The following RAB1A variants were observed in gnomAD, a reference collection of about 807,000 sequenced individuals.
RAB1A encodes the protein RAB1A, member RAS oncogene family, also known as ras-related protein Rab-1A.
Under a neutral mutation model 26.0 loss-of-function variants are expected in RAB1A, and 2 were observed. That is an observed-to-expected ratio of 0.08 (90% CI 0.03 to 0.24). The LOEUF is 0.24. Ranked by LOEUF, RAB1A falls within the 10% of genes least tolerant of loss-of-function variation. The probability of loss-of-function intolerance (pLI) is 1.00; values close to 1 mark genes in which losing one functional copy is unlikely to be tolerated. For synonymous variants in RAB1A, 84 were observed against 84.9 expected (o/e 0.99, Z 0.06); for missense variants, 100 against 247.0 (o/e 0.40, Z 3.99).
chr2:65,100,652 C>G (rs1573071030), intron 2 of RAB1A, among the ~76,000 whole-genome samples: 1 of 149,368 alleles, frequency 6.7e-6, no homozygotes, highest in Non-Finnish European at 1.5e-5. Context: ...CCTAGCTAGT[C>G]AGGAGACCAA....
intron 3 of RAB1A, among the ~76,000 whole-genome samples, chr2:65,093,798 T>A (rs1669224208): frequency 6.6e-6 from 1 of 152,010 alleles, no homozygotes; most frequent in Admixed American, 6.6e-5. Context: ...AATTTTTTTG[T>A]ATTTTTAGTA....
intron 1 of RAB1A, among the ~76,000 whole-genome samples, chr2:65,121,121 T>C (rs1025751911): frequency 1.3e-5 from 2 of 151,284 alleles, no homozygotes; most frequent in African/African-American, 2.4e-5. Context: ...ATGGTGCCAG[T>C]TACTCAGGAG....
intron 1 of RAB1A, among the ~76,000 whole-genome samples, chr2:65,118,394 A>G (rs922192906): frequency 2.6e-5 from 4 of 152,166 alleles, no homozygotes; most frequent in African/African-American, 9.7e-5. Flanking sequence ...TTTAAAATAA[A>G]CAACAAAAAT....
At position 65,130,049 on chromosome 2, in the gene RAB1A, C is replaced by A. The variant is rs906865212; in HGVS notation, c.-134G>T. ...GGAGAGCAAACGTCTTCCCCTACTC[C>A]GTCCCCTAGAACACAATCAGCAGCC... On this transcript the variant is annotated 5_prime_UTR_variant, in exon 1 of 6. Coordinates refer to ENST00000409784, the MANE Select transcript of RAB1A (RefSeq NM_004161.5). 2 of 1,002,874 alleles carry A rather than the reference C, an allele frequency of 2.0e-6. No homozygotes were observed. Among genetic ancestry groups the A allele is most frequent in the South Asian group, 1.4e-5 (1 of 72,480 alleles). The allele number at this position is 1,002,874 out of a possible 1,614,324, so 62.1% of individuals were successfully genotyped here. A position where few individuals can be genotyped will look rare whatever the true frequency, so the allele number is the denominator to read the frequency against.
intron 1 of RAB1A, among the ~76,000 whole-genome samples, chr2:65,111,561 A>G (rs1009189598): frequency 6.6e-6 from 1 of 152,204 alleles, no homozygotes; most frequent in Non-Finnish European, 1.5e-5. Flanking sequence ...ATCCTAGAAC[A>G]GAAAAAGAAC....
intron 2 of RAB1A, among the ~76,000 whole-genome samples, chr2:65,102,410 T>C (rs764817918): frequency 2.6e-5 from 4 of 152,098 alleles, no homozygotes; most frequent in African/African-American, 4.8e-5. Flanking sequence ...TTCATTAATA[T>C]CGGCACTCAT....
At position 65,130,092 on chromosome 2, in the gene RAB1A, G is replaced by A; in HGVS notation, c.-177C>T. The A allele has an allele frequency of 1.3e-6, 1 of 750,058 alleles. No individual in the cohort carries two copies. 46.5% of individuals were successfully genotyped at this position (750,058 alleles called of 1,614,324 possible). The stretch of plus-strand genomic sequence containing the variant: ...CAGCAGCCGCCGCCACTCAGCTATC[G>A]CTTCCACCCAAAATGGCCGCCGGCG... On this transcript the variant is annotated 5_prime_UTR_variant, in exon 1 of 6. Transcript: ENST00000409784.
At chr2:65,117,446 C>T (rs757449483) in intron 1 of RAB1A, among the ~76,000 whole-genome samples, 2 of 152,198 alleles carry the variant, frequency 1.3e-5, no homozygotes, top group African/African-American at 2.4e-5. Context: ...AATCCTCCTG[C>T]CTCAGCCTCC....
At position 65,130,037 on chromosome 2, in the gene RAB1A, C is replaced by A; in HGVS notation, c.-122G>T. Reference sequence around the variant, plus strand: ...TAGGCTGTTCCGGGAGAGCAAACGTCTTCCCCTACTCCGTCCCCTAGAACA... The same window carrying A: ...TAGGCTGTTCCGGGAGAGCAAACGTATTCCCCTACTCCGTCCCCTAGAACA... On this transcript the variant is annotated 5_prime_UTR_variant, in exon 1 of 6. Coordinates refer to ENST00000409784, the MANE Select transcript of RAB1A (RefSeq NM_004161.5). 5.5e-6 allele frequency: 6 copies of A among 1,087,072 alleles called. No homozygotes were observed. Among genetic ancestry groups the A allele is most frequent in the Non-Finnish European group, 6.8e-6 (5 of 730,556 alleles). 67.3% of individuals were successfully genotyped at this position (1,087,072 alleles called of 1,614,324 possible).
At chr2:65,120,455 C>CAAAAAAAAAAAAAAAAA (rs67617654) in intron 1 of RAB1A, among the ~76,000 whole-genome samples, 1 of 56,656 alleles carries the variant, frequency 1.8e-5, no homozygotes, top group Admixed American at 2.1e-4. Flanking sequence ...CACCTTGTCT[C>CAAAAAAAAAAAAAAAAA]AAAAAAAAAA....
intron 2 of RAB1A, among the ~76,000 whole-genome samples, chr2:65,098,646 A>G (rs148853815): frequency 1.9e-4 from 29 of 152,128 alleles, no homozygotes; most frequent in African/African-American, 6.5e-4. Context: ...ATTCCAGGAC[A>G]TTTTCTTCAC....
At chr2:65,111,658 G>T (rs979758722) in intron 1 of RAB1A, among the ~76,000 whole-genome samples, 9 of 152,182 alleles carry the variant, frequency 5.9e-5, no homozygotes, top group Admixed American at 4.6e-4. Flanking sequence ...AATGTACCAT[G>T]TATGTAAGAT....
At chr2:65,116,127 A>T (rs1269563305) in intron 1 of RAB1A, among the ~76,000 whole-genome samples, 1 of 152,174 alleles carries the variant, frequency 6.6e-6, no homozygotes, top group East Asian at 1.9e-4. Context: ...ACTGCACTCC[A>T]GCCTGGACAA....
At chr2:65,096,048 G>T (rs1316253576) in intron 3 of RAB1A, among the ~76,000 whole-genome samples, 1 of 152,162 alleles carries the variant, frequency 6.6e-6, no homozygotes, top group Non-Finnish European at 1.5e-5. Context: ...AGCTACTCAG[G>T]AGGCTGAGGC....
intron 5 of RAB1A, 106 bp from the exon 6 acceptor site, chr2:65,088,796 CCAAA>C (rs1669099875): frequency 7.6e-7 from 1 of 1,311,400 alleles, no homozygotes; most frequent in African/African-American, 1.5e-5. Context: ...TTCATTGGAT[CCAAA>C]CAGATGCTAC....
intron 1 of RAB1A, among the ~76,000 whole-genome samples, chr2:65,113,369 A>C (rs1277193628): frequency 2.6e-5 from 4 of 152,080 alleles, no homozygotes; most frequent in Non-Finnish European, 5.9e-5. Context: ...AGCCTGGTGC[A>C]GTGGTGCACA....
chr2:65,099,101 TG>T (rs1669358882), intron 2 of RAB1A, among the ~76,000 whole-genome samples: 1 of 152,182 alleles, frequency 6.6e-6, no homozygotes, highest in African/African-American at 2.4e-5. Flanking sequence ...CCTCTCAAAG[TG>T]CTGGGATTAC....
chr2:65,119,258 C>T (rs924269737), intron 1 of RAB1A, among the ~76,000 whole-genome samples: 1 of 151,906 alleles, frequency 6.6e-6, no homozygotes. Flanking sequence ...GTAATCCCAG[C>T]ACTTTGGGAG....
intron 1 of RAB1A, among the ~76,000 whole-genome samples, chr2:65,105,632 A>G (rs557899572): frequency 2.6e-5 from 4 of 152,168 alleles, no homozygotes; most frequent in South Asian, 2.1e-4. Flanking sequence ...CCGTCAAAAC[A>G]ATGTTCATAT....
Sources: gnomAD v4.1 joint callset for allele counts (sites outside exome capture counted in the v4.1 genomes callset) on GRCh38, gnomAD v4.1.1 for gene constraint, MANE v1.5 for transcripts, NCBI Gene and HGNC (gene_info 2026-07-23, HGNC 2026-07-21) for gene names.